Variants in TMEM168 observed in about 807,000 individuals in gnomAD.
TMEM168 encodes transmembrane protein 168.
In TMEM168, 40 loss-of-function variants were observed where a neutral mutation model predicts 53.2. The ratio of observed to expected loss-of-function variants is 0.75; its 90% CI spans 0.58 to 0.98. The LOEUF (loss-of-function observed/expected upper bound fraction) is 0.98. Among genes scored for constraint, TMEM168 ranks in the 50% least tolerant of loss-of-function variants. The pLI is 0.00. For synonymous variants in TMEM168, 282 were observed against 293.0 expected (o/e 0.96, Z 0.38); for missense variants, 771 against 828.8 (o/e 0.93, Z 0.86).
At chr7:112,776,872 T>C (rs1011868385) in intron 2 of TMEM168, among the ~76,000 whole-genome samples, 1 of 152,108 alleles carries the variant, frequency 6.6e-6, no homozygotes, top group Non-Finnish European at 1.5e-5. Flanking sequence ...TATAAAACTT[T>C]AATTAGTGGA....
At chr7:112,772,647 A>G in intron 4 of TMEM168, 134 bp downstream of exon 4, 2 of 1,031,692 alleles carry the variant, frequency 1.9e-6, no homozygotes, top group Non-Finnish European at 2.8e-6. Context: ...TAGAGCAAAG[A>G]AAAACAAATT....
chr7:112,784,887 G>C lies in TMEM168; in HGVS notation c.-62C>G. Reference sequence around the variant, plus strand: ...AAATTAACCGCTTGTATTTCATCCAGTATATCCAATGTATCCGCAACTCCT... The same window carrying C: ...AAATTAACCGCTTGTATTTCATCCACTATATCCAATGTATCCGCAACTCCT... On this transcript the variant is annotated 5_prime_UTR_variant, in exon 2 of 5. Transcript: ENST00000312814. 2 of 1,441,544 alleles carry C rather than the reference G, an allele frequency of 1.4e-6. No homozygotes were observed. The highest frequency in any genetic ancestry group is 2.5e-5 in the Admixed American group (1 of 39,970). 89.3% of individuals were successfully genotyped at this position (1,441,544 alleles called of 1,614,324 possible). A position where few individuals can be genotyped will look rare whatever the true frequency, so the allele number is the denominator to read the frequency against.
rs1159661226 is a variant in TMEM168, at chr7:112,784,168, G to A, written c.658C>T (p.Pro220Ser). Residue 220 changes from proline (P) to serine (S), a missense_variant, in exon 2 of 5, where the codon CCC becomes TCC. Physicochemically the swap from Pro to Ser is moderately conservative, Grantham distance 74. Transcript: ENST00000312814. ...CACGCAAAAGCAATCGGATTTTTGG[G>A]AGTTTCCAATGAGGAAAAAAATAAC... ...VLLFFSSLET[P>S]KNPIAFACFF... 2 of 1,613,948 alleles carry A rather than the reference G, an allele frequency of 1.2e-6. No homozygotes were observed. The highest frequency in any genetic ancestry group is 2.2e-5 in the East Asian group (1 of 44,866).
chr7:112,783,587 C>T (rs1205682526), intron 2 of TMEM168, 111 bp downstream of exon 2: 1 of 1,109,968 alleles, frequency 9.0e-7, no homozygotes, highest in East Asian at 2.7e-5. Context: ...TAAGAGCAAA[C>T]ATGAATATCC....
chr7:112,789,962 G>C (rs182254825), intron 1 of TMEM168, among the ~76,000 whole-genome samples, 198 bp downstream of exon 1: 220 of 152,308 alleles, frequency 1.4e-3, no homozygotes, highest in African/African-American at 5.1e-3. Flanking sequence ...CCAGTTGAGG[G>C]GGAACCCTTG....
Position 112,784,350 on chromosome 7 carries a change from A to C in TMEM168, c.476T>G (p.Phe159Cys). The C allele has an allele frequency of 6.2e-7, 1 of 1,614,174 alleles. No homozygotes were observed. Among genetic ancestry groups the C allele is most frequent in the African/African-American group, 1.3e-5 (1 of 75,046 alleles). ...AATGGCAAATCCAACAAGCTCCAGA[A>C]ATTCAACTGTGGTTAGTAAAGTGGG... ...HRPTLLTTVE[F>C]LELVGFAIAS... The change falls in exon 2 of 5, where the codon TTT becomes TGT. Residue 159 changes from phenylalanine to cysteine, a missense_variant. Physicochemically the swap from Phe to Cys is radical, Grantham distance 205 (BLOSUM62 -2). Coordinates refer to ENST00000312814, the MANE Select transcript of TMEM168 (RefSeq NM_022484.6).
chr7:112,784,094 A>C lies in TMEM168; in HGVS notation c.732T>G (p.Ser244Arg). 1.9e-6 allele frequency: 3 copies of C among 1,613,382 alleles called. No individual in the cohort carries two copies. The highest frequency in any genetic ancestry group is 2.5e-6 in the Non-Finnish European group (3 of 1,179,858). The change falls in exon 2 of 5, where the codon AGT becomes AGG. Residue 244 changes from serine to arginine, a missense_variant. Physicochemically the swap from Ser to Arg is moderately radical, Grantham distance 110 (BLOSUM62 -1). Transcript: ENST00000312814. ...TCCATCTTTCAGTTACTGAAAGTCC[A>C]CTAAAATAAATGTCAAGGAAAGGAT... is the stretch of plus-strand genomic sequence containing the variant. ...ITDPFLDIYF[S>R]GLSVTERWKP...
intron 4 of TMEM168, among the ~76,000 whole-genome samples, chr7:112,770,929 A>T (rs192874512): frequency 3.1e-4 from 47 of 152,244 alleles, no homozygotes; most frequent in Non-Finnish European, 5.3e-4. Flanking sequence ...TATCATAAGG[A>T]TTATAGTAAG....
intron 1 of TMEM168, among the ~76,000 whole-genome samples, chr7:112,787,713 A>ATTTTTTTTTTTTTTTTTTTTTT (rs71155069): frequency 1.8e-4 from 7 of 38,768 alleles, no homozygotes; most frequent in Admixed American, 4.6e-4. Flanking sequence ...TGCGACTGGC[A>ATTTTTTTTTTTTTTTTTTTTTT]TTTTTTTTTT....
chr7:112,771,666 T>C (rs1792933216), intron 4 of TMEM168, among the ~76,000 whole-genome samples: 1 of 152,158 alleles, frequency 6.6e-6, no homozygotes, highest in South Asian at 2.1e-4. Flanking sequence ...AATGAGATCA[T>C]GCTAGTTTAA....
chr7:112,785,459 A>C (rs1048586863), intron 1 of TMEM168, among the ~76,000 whole-genome samples: 2 of 152,210 alleles, frequency 1.3e-5, no homozygotes, highest in Non-Finnish European at 2.9e-5. Context: ...ATGTTACACA[A>C]GGTCTTTACA....
rs1792697593 is a variant in TMEM168 at position 112,762,993 on chromosome 7, A to T, written c.*4204T>A. The T allele has an allele frequency of 6.6e-6, 1 of 152,050 alleles. No individual in the cohort carries two copies. Among genetic ancestry groups the T allele is most frequent in the Non-Finnish European group, 1.5e-5 (1 of 67,940 alleles). The allele number at this position is 152,050 out of a possible 1,614,324, so 9.4% of individuals were successfully genotyped here. A position where few individuals can be genotyped will look rare whatever the true frequency, so the allele number is the denominator to read the frequency against. ...TAGTTGTCACTGATATGCATAGTCA[A>T]ATTCCTTCTTTGTTCATCAGTCAGA... On this transcript the variant is annotated 3_prime_UTR_variant, in exon 5 of 5. Coordinates refer to ENST00000312814, the MANE Select transcript of TMEM168 (RefSeq NM_022484.6).
chr7:112,767,528 A>C lies in TMEM168; in HGVS notation c.1763T>G (p.Phe588Cys). ...EEADPPQLGD[F>C]TKDWVEYNCN... ...GTTATATTCTACCCAGTCTTTTGTA[A>C]AGTCACCTAGCTGTGGCGGGTCAGC... Residue 588 changes from phenylalanine to cysteine, a missense_variant, in exon 5 of 5, where the codon TTT becomes TGT. Coordinates refer to ENST00000312814, the MANE Select transcript of TMEM168 (RefSeq NM_022484.6). 2.5e-6 allele frequency: 4 copies of C among 1,614,106 alleles called. No individual in the cohort carries two copies. The highest frequency in any genetic ancestry group is 3.4e-6 in the Non-Finnish European group (4 of 1,180,006).
intron 4 of TMEM168, among the ~76,000 whole-genome samples, chr7:112,770,272 A>AT (rs1416700350): frequency 1.3e-4 from 20 of 152,186 alleles, no homozygotes; most frequent in Non-Finnish European, 1.2e-4. Flanking sequence ...AGTATGCGAG[A>AT]TGCCTCAGGC....
intron 2 of TMEM168, among the ~76,000 whole-genome samples, chr7:112,778,067 C>T (rs968634367): frequency 3.3e-5 from 5 of 152,086 alleles, no homozygotes; most frequent in Non-Finnish European, 2.9e-5. Context: ...GCGGACATTA[C>T]GAGTCTACAT....
At position 112,762,886 on chromosome 7, in the gene TMEM168, TA is replaced by T. The variant is rs1206491203; in HGVS notation, c.*4310del. Reference sequence around the variant, plus strand: ...TAATTAGTGAATAGGTAAGACAATATAAAAAAGGAGATACTTATAGTTTCCC... The same window carrying T: ...TAATTAGTGAATAGGTAAGACAATATAAAAAGGAGATACTTATAGTTTCCC... On this transcript the variant is annotated 3_prime_UTR_variant, in exon 5 of 5. Transcript: ENST00000312814. 1 of 152,042 alleles carries T rather than the reference TA, an allele frequency of 6.6e-6. No homozygotes were observed. Among genetic ancestry groups the T allele is most frequent in the Non-Finnish European group, 1.5e-5 (1 of 67,930 alleles). 9.4% of individuals were successfully genotyped at this position (152,042 alleles called of 1,614,324 possible).
At chr7:112,776,248 T>C (rs1793079886) in intron 2 of TMEM168, among the ~76,000 whole-genome samples, 1 of 151,414 alleles carries the variant, frequency 6.6e-6, no homozygotes, top group Admixed American at 6.6e-5. Context: ...GAAGAAAATA[T>C]TAAGGACATA....
chr7:112,778,216 A>T (rs1584445014), intron 2 of TMEM168: 1 of 152,104 alleles, frequency 6.6e-6, no homozygotes, highest in African/African-American at 2.4e-5. Context: ...AATGGGAGGT[A>T]ATTTACCAGA....
Position 112,783,935 on chromosome 7 carries a change from G to C in TMEM168, c.891C>G (p.Gly297=). 1 of 1,605,150 alleles carries C rather than the reference G, an allele frequency of 6.2e-7. No individual in the cohort carries two copies. Among genetic ancestry groups the C allele is most frequent in the Non-Finnish European group, 8.5e-7 (1 of 1,177,866 alleles). ...DTHLWYFVIP[G]FSIFGIFWMI... ...TCCAGAAAATTCCAAAAATGGAAAA[G>C]CCAGGTATTACAAAATACCAGAGGT... Residue 297 remains glycine (G), a synonymous_variant, in exon 2 of 5, where the codon GGC becomes GGG. Transcript: ENST00000312814.
Sources: allele counts gnomAD v4.1 joint callset (sites outside exome capture counted in the v4.1 genomes callset), GRCh38; gene constraint gnomAD v4.1.1; transcripts MANE v1.5; gene names NCBI Gene and HGNC (gene_info 2026-07-23, HGNC 2026-07-21).